Variants in ZNF343 observed in about 807,000 individuals in gnomAD.
The protein encoded by ZNF343 is zinc finger protein 343.
Under a neutral mutation model 13.8 loss-of-function variants are expected in ZNF343, and 11 were observed. The observed-to-expected ratio is 0.80, with a 90% CI of 0.50 to 1.32. The LOEUF is 1.32. Ranked by LOEUF, ZNF343 falls within the 40% of genes most tolerant of loss-of-function variation. ZNF343 has a pLI of 0.00. For synonymous variants in ZNF343, 248 were observed against 260.0 expected (o/e 0.95, Z 0.44); for missense variants, 658 against 714.2 (o/e 0.92, Z 0.90).
At chr20:2,521,052 G>A (rs1275392436) in intron 1 of ZNF343, among the ~76,000 whole-genome samples, 1 of 152,208 alleles carries the variant, frequency 6.6e-6, no homozygotes, top group African/African-American at 2.4e-5. Flanking sequence ...AGGGATAAGT[G>A]TAGACTTAGC....
rs980873979 is a variant in ZNF343, at chr20:2,518,799, T to C, written c.-347+5656A>G. Among the ~76,000 whole-genome samples the C allele has an allele frequency of 3.9e-5, 6 of 152,166 alleles. No homozygotes were observed. The highest frequency in any genetic ancestry group is 1.4e-4 in the African/African-American group (6 of 41,428). On this transcript the variant is annotated intron_variant, in intron 1 of 6. Transcript: ENST00000358413. This position sits in a 1 kb window ranked among gnomAD's most constrained non-coding sequence, Gnocchi z 4.6. ...CACTGATAATGGTTTGGCTCTGTGT[T>C]CCTACCCAAATCTCATCTCGAATTG...
chr20:2,502,427 G>A (rs1055659859), intron 1 of ZNF343, among the ~76,000 whole-genome samples: 6 of 152,126 alleles, frequency 3.9e-5, no homozygotes, highest in African/African-American at 1.4e-4. Flanking sequence ...ACCTAGCAAG[G>A]CAGGCCAACA....
intron 2 of ZNF343, among the ~76,000 whole-genome samples, chr20:2,499,293 G>A (rs1200570649): frequency 1.5e-5 from 2 of 137,342 alleles, no homozygotes; most frequent in African/African-American, 2.7e-5. Context: ...GTGAAACCCC[G>A]TCTCTACTAA....
intron 2 of ZNF343, among the ~76,000 whole-genome samples, chr20:2,498,475 G>T (rs1289966580): frequency 6.6e-6 from 1 of 152,204 alleles, no homozygotes. Context: ...GAGTTCAATT[G>T]CCAAGTAGAA....
At position 2,484,112 on chromosome 20, in the gene ZNF343, G is replaced by C. The variant is rs141599536; in HGVS notation, c.849C>G (p.Thr283=). The change falls in exon 6 of 6, where the codon ACC becomes ACG. Residue 283 remains threonine, a synonymous_variant. Coordinates refer to ENST00000278772, the MANE Select transcript of ZNF343 (RefSeq NM_024325.6). The part of the protein sequence containing the change: ...DCGRSFKDRS[T]LIRHHRIHSM... Reference sequence around the variant, plus strand: ...AGTGTATACGATGGTGTCTGATGAGGGTTGATCTATCTTTAAAGCTTCGCC... The same window carrying C: ...AGTGTATACGATGGTGTCTGATGAGCGTTGATCTATCTTTAAAGCTTCGCC... The C allele has an allele frequency of 7.2e-5, 116 of 1,614,220 alleles. No homozygotes were observed. The African/African-American group carries it at 1.3e-3, about 19-fold the overall frequency.
intron 2 of ZNF343, among the ~76,000 whole-genome samples, chr20:2,499,938 T>C (rs979539794): frequency 7.9e-5 from 12 of 152,194 alleles, no homozygotes; most frequent in Non-Finnish European, 1.8e-4. Context: ...TTTAAAACAA[T>C]CTAGAGTTAA....
chr20:2,509,198 T>A (rs531987260), upstream of ZNF343: 2 of 152,216 alleles, frequency 1.3e-5, no homozygotes, highest in African/African-American at 4.8e-5. Flanking sequence ...ACGAGAGAAG[T>A]CATTTCCGAT....
intron 1 of ZNF343, 44 bp from the exon 2 acceptor site, chr20:2,500,786 C>A (rs1439343320): frequency 6.6e-6 from 1 of 152,160 alleles, no homozygotes; most frequent in Non-Finnish European, 1.5e-5. Context: ...TTGTCTCCTA[C>A]CACCCAGATA....
Position 2,484,057 on chromosome 20 carries a change from A to G in ZNF343, c.904T>C (p.Cys302Arg), listed in dbSNP as rs758114193. 1.9e-6 allele frequency: 3 copies of G among 1,614,156 alleles called. No homozygotes were observed. Among genetic ancestry groups the G allele is most frequent in the East Asian group, 2.2e-5 (1 of 44,876 alleles). ...GACTTCTGGCTAAAACCTCGCCCGCACTCACTGCACACATAAGGCTTCTCC... is the reference window on the plus strand; with the variant it reads ...GACTTCTGGCTAAAACCTCGCCCGCGCTCACTGCACACATAAGGCTTCTCC... ...SMEKPYVCSE[C>R]GRGFSQKSNL... The change falls in exon 6 of 6, where the codon TGC (cysteine) becomes CGC (arginine). Residue 302 changes from cysteine (C) to arginine (R), a missense_variant. Coordinates refer to ENST00000278772, the MANE Select transcript of ZNF343 (RefSeq NM_024325.6).
chr20:2,492,554 T>C, intron 5 of ZNF343, 145 bp downstream of exon 5: 1 of 893,660 alleles, frequency 1.1e-6, no homozygotes, highest in Non-Finnish European at 1.7e-6. Flanking sequence ...CTCCTTACAC[T>C]AGAAAGTAAG....
At chr20:2,523,222 T>C (rs1262320383) in intron 1 of ZNF343, among the ~76,000 whole-genome samples, 1 of 152,208 alleles carries the variant, frequency 6.6e-6, no homozygotes, top group African/African-American at 2.4e-5. Flanking sequence ...GAAGTTACCC[T>C]ATATGGTCTA....
upstream of ZNF343, among the ~76,000 whole-genome samples, chr20:2,512,385 T>C (rs2122750882): frequency 6.6e-6 from 1 of 152,302 alleles, no homozygotes; most frequent in South Asian, 2.1e-4. Context: ...AAGAATAAGG[T>C]TGGAGGACTC....
chr20:2,483,059 T>G lies in ZNF343; in HGVS notation c.*102A>C. ...TCTCTGGAACTTCACTCACAATCTG[T>G]GTACACAGGGTCTACTCCCCATGTG... On this transcript the variant is annotated 3_prime_UTR_variant, in exon 6 of 6. Coordinates refer to ENST00000278772, the MANE Select transcript of ZNF343 (RefSeq NM_024325.6). 9 of 1,360,258 alleles carry G rather than the reference T, an allele frequency of 6.6e-6. No individual in the cohort carries two copies. The highest frequency in any genetic ancestry group is 9.0e-6 in the Non-Finnish European group (9 of 1,001,292). 84.3% of individuals were successfully genotyped at this position (1,360,258 alleles called of 1,614,324 possible). A position where few individuals can be genotyped will look rare whatever the true frequency, so the allele number is the denominator to read the frequency against.
chr20:2,514,984 C>T (rs528589043), intron 1 of ZNF343, among the ~76,000 whole-genome samples: 1 of 136,442 alleles, frequency 7.3e-6, no homozygotes, highest in South Asian at 2.3e-4. Context: ...GCCTGGGTGA[C>T]AGAGCGAGAC....
Position 2,504,560 on chromosome 20 carries a change from T to C in ZNF343, c.-236-3818A>G, listed in dbSNP as rs568623234. 2.1e-3 allele frequency among the ~76,000 whole-genome samples: 317 copies of C among 152,224 alleles called. 1 individual carries two copies. The highest frequency in any genetic ancestry group is 7.2e-3 in the African/African-American group (298 of 41,534). On this transcript the variant is annotated intron_variant, in intron 1 of 5. Transcript: ENST00000278772. ...CGATGCAAAAATCCTCAATAAAATA[T>C]TGGCAAACCAAATCCAGCGGCACAT...
chr20:2,498,154 C>T (rs569792013), intron 2 of ZNF343, among the ~76,000 whole-genome samples: 108 of 152,198 alleles, frequency 7.1e-4, no homozygotes, highest in African/African-American at 2.5e-3. Flanking sequence ...GTCAGGAGGG[C>T]AAGACCAGCC....
chr20:2,523,227 G>A (rs1459802993), intron 1 of ZNF343, among the ~76,000 whole-genome samples: 2 of 152,096 alleles, frequency 1.3e-5, no homozygotes, highest in South Asian at 2.1e-4. Context: ...TACCCTATAT[G>A]GTCTAAAAAG....
At chr20:2,505,742 T>G (rs369601341) in intron 1 of ZNF343, among the ~76,000 whole-genome samples, 4 of 152,122 alleles carry the variant, frequency 2.6e-5, no homozygotes, top group Non-Finnish European at 5.9e-5. Context: ...TAGCCATATG[T>G]AGAAAGCTGA....
At chr20:2,523,979 CAAAAAA>C (rs56321237) in intron 1 of ZNF343, among the ~76,000 whole-genome samples, 1 of 104,320 alleles carries the variant, frequency 9.6e-6, no homozygotes, top group Non-Finnish European at 1.8e-5. Flanking sequence ...GACCCCGTCT[CAAAAAA>C]AAAAAAAAAA....
Sources: gnomAD v4.1 joint callset for allele counts (sites outside exome capture counted in the v4.1 genomes callset) on GRCh38, gnomAD v4.1.1 for gene constraint, Gnocchi (gnomAD v3.1) non-coding constraint, MANE v1.5 for transcripts, NCBI Gene and HGNC (gene_info 2026-07-23, HGNC 2026-07-21) for gene names.